The following RAB25 variants were observed in gnomAD, a reference collection of about 807,000 sequenced individuals.
The protein encoded by RAB25 is ras-related protein Rab-25.
RAB25 carries 23 observed loss-of-function variants against 25.2 expected under a neutral mutation model. The observed-to-expected ratio is 0.91, with a 90% CI of 0.66 to 1.29. The LOEUF is 1.29. Among genes scored for constraint, RAB25 ranks in the 50% most tolerant of loss-of-function variants. RAB25 has a pLI of 0.00. For missense variants in RAB25, 244 were observed against 277.3 expected (o/e 0.88, Z 0.85); for synonymous variants, 102 against 111.5 (o/e 0.91, Z 0.54).
chr1:156,068,497 C>A (rs753736431), intron 3 of RAB25, 34 bp downstream of exon 3: 2 of 1,596,242 alleles, frequency 1.3e-6, no homozygotes. Context: ...CTGACTCCTC[C>A]AAGCTTAGCC....
chr1:156,065,696 G>C (rs1044685961), intron 1 of RAB25, among the ~76,000 whole-genome samples: 1 of 152,170 alleles, frequency 6.6e-6, no homozygotes, highest in Admixed American at 6.5e-5. Context: ...GCTATAACCC[G>C]TCAAGCCCCT....
intron 4 of RAB25, 86 bp downstream of exon 4, chr1:156,069,837 C>T: frequency 2.4e-6 from 3 of 1,231,124 alleles, no homozygotes; most frequent in Non-Finnish European, 3.6e-6. Flanking sequence ...TCAGCCCTCA[C>T]CCCAGCTAAT....
chr1:156,061,284 A>G lies in RAB25; in HGVS notation c.-117A>G, dbSNP rs369674854. 22 of 1,077,766 alleles carry G rather than the reference A, an allele frequency of 2.0e-5. No homozygotes were observed. The highest frequency in any genetic ancestry group is 2.5e-5 in the Non-Finnish European group (18 of 708,028). 66.8% of individuals were successfully genotyped at this position (1,077,766 alleles called of 1,614,324 possible). On this transcript the variant is annotated 5_prime_UTR_variant, in exon 1 of 5. An upstream start codon of the reference 5' UTR is lost. Transcript: ENST00000361084. The stretch of plus-strand genomic sequence containing the variant: ...GGCTGCAGAAGTCCCCTTACCCCCA[A>G]TGAGAGGAGGGGCAGGACCAGATCT...
chr1:156,062,249 G>C (rs1305572141), intron 1 of RAB25, among the ~76,000 whole-genome samples: 1 of 152,150 alleles, frequency 6.6e-6, no homozygotes, highest in Non-Finnish European at 1.5e-5. Context: ...TGCAGAGTCT[G>C]ATAGAATCCA....
rs375008853 is a variant in RAB25 at position 156,068,471 on chromosome 1, C to A, written c.433+8C>A. 1 of 1,609,254 alleles carries A rather than the reference C, an allele frequency of 6.2e-7. No homozygotes were observed. Among genetic ancestry groups the A allele is most frequent in the South Asian group, 1.1e-5 (1 of 90,884 alleles). On this transcript the variant is annotated splice_region_variant and intron_variant, in intron 3 of 4. Coordinates refer to ENST00000361084, the MANE Select transcript of RAB25 (RefSeq NM_020387.4). ...AGGCCCGAATGTTCGCTGGTGAGAG[C>A]CTGCCACTACCCAGGCTGACTCCTC...
In RAB25 at chr1:156,061,264, C is replaced by T. The variant is rs1049707918; in HGVS notation, c.-137C>T. 5 of 868,198 alleles carry T rather than the reference C, an allele frequency of 5.8e-6. No individual in the cohort carries two copies. In the African/African-American group the frequency reaches 6.7e-5, roughly 12 times the overall value. The allele number at this position is 868,198 out of a possible 1,614,324, so 53.8% of individuals were successfully genotyped here. A position where few individuals can be genotyped will look rare whatever the true frequency, so the allele number is the denominator to read the frequency against. On this transcript the variant is annotated 5_prime_UTR_variant, in exon 1 of 5. Transcript: ENST00000361084. ...AGTTGGCCCCCAATCCCTCTGGCTGCAGAAGTCCCCTTACCCCCAATGAGA... is the reference window on the plus strand; with the variant it reads ...AGTTGGCCCCCAATCCCTCTGGCTGTAGAAGTCCCCTTACCCCCAATGAGA...
Position 156,061,437 on chromosome 1 carries a change from T to A in RAB25, c.37T>A (p.Phe13Ile). 1 of 1,613,964 alleles carries A rather than the reference T, an allele frequency of 6.2e-7. No individual in the cohort carries two copies. The change falls in exon 1 of 5, where the codon TTC (phenylalanine) becomes ATC (isoleucine). Residue 13 changes from phenylalanine (F) to isoleucine (I), a missense_variant. Transcript: ENST00000361084. ...NGTEEDYNFV[F>I]KVVLIGESGV... ...AACTGAGGAAGATTATAACTTTGTCTTCAAGGGTGAGTTGGGTTCCCTGAA... is the reference window on the plus strand; with the variant it reads ...AACTGAGGAAGATTATAACTTTGTCATCAAGGGTGAGTTGGGTTCCCTGAA...
intron 1 of RAB25, among the ~76,000 whole-genome samples, chr1:156,064,343 C>G (rs1367371698): frequency 2.0e-5 from 3 of 152,104 alleles, no homozygotes; most frequent in Admixed American, 2.0e-4. Flanking sequence ...GGGGCTCAAA[C>G]AATCCTTCCA....
In RAB25 at chr1:156,069,530, C is replaced by G. The variant is rs148523827; in HGVS notation, c.434-141C>G. The G allele has an allele frequency of 2.7e-3, 1,874 of 696,810 alleles. 13 individuals are homozygous for G. The highest frequency in any genetic ancestry group is 0.014 in the East Asian group (552 of 38,294). 43.2% of individuals were successfully genotyped at this position (696,810 alleles called of 1,614,324 possible). On this transcript the variant is annotated intron_variant, in intron 3 of 4. Coordinates refer to ENST00000361084, the MANE Select transcript of RAB25 (RefSeq NM_020387.4). The stretch of plus-strand genomic sequence containing the variant: ...GATTCAGTTTTCTAAATGAACCTAC[C>G]TTGTAAGTTGTTTTAAGGATTAAAT...
chr1:156,065,659 C>A (rs1647720399), intron 1 of RAB25, among the ~76,000 whole-genome samples: 1 of 152,232 alleles, frequency 6.6e-6, no homozygotes, highest in Non-Finnish European at 1.5e-5. Flanking sequence ...TGCAGGCTGA[C>A]TCTGCAACCA....
intron 2 of RAB25, among the ~76,000 whole-genome samples, chr1:156,066,889 G>A (rs564076994): frequency 9.9e-5 from 15 of 151,762 alleles, no homozygotes; most frequent in African/African-American, 2.9e-4. Context: ...GCAGTGAGCC[G>A]AAATCGCCCC....
intron 2 of RAB25, 186 bp downstream of exon 2, chr1:156,066,292 C>A: frequency 1.9e-6 from 1 of 516,778 alleles, no homozygotes; most frequent in Non-Finnish European, 3.3e-6. Flanking sequence ...GATATAGTAA[C>A]ACTGACTAGT....
intron 1 of RAB25, among the ~76,000 whole-genome samples, chr1:156,062,992 T>C (rs1345697854): frequency 6.9e-6 from 1 of 145,542 alleles, no homozygotes; most frequent in East Asian, 2.1e-4. Flanking sequence ...AAGCAGAGGT[T>C]GCAGTAAGCC....
Position 156,070,311 on chromosome 1 carries a change from C to A in RAB25, c.*24C>A. 1 of 1,608,976 alleles carries A rather than the reference C, an allele frequency of 6.2e-7. No individual in the cohort carries two copies. The highest frequency in any genetic ancestry group is 1.3e-5 in the African/African-American group (1 of 74,862). The stretch of plus-strand genomic sequence containing the variant: ...GACCTTGGCCAGCACCACCTGCCCC[C>A]ACTGGCTTTTTGGTGCCCCTTGTCC... On this transcript the variant is annotated 3_prime_UTR_variant, in exon 5 of 5. Transcript: ENST00000361084.
intron 1 of RAB25, among the ~76,000 whole-genome samples, chr1:156,064,980 C>G (rs1470010048): frequency 6.6e-6 from 1 of 152,176 alleles, no homozygotes; most frequent in Non-Finnish European, 1.5e-5. Flanking sequence ...ACACTCTACC[C>G]CAGCCCCCAG....
chr1:156,063,890 A>C (rs948586318), intron 1 of RAB25, among the ~76,000 whole-genome samples: 1 of 152,272 alleles, frequency 6.6e-6, no homozygotes, highest in Non-Finnish European at 1.5e-5. Flanking sequence ...ATATGTGTAA[A>C]GCTTTTAACG....
chr1:156,066,157 G>A (rs564424312), intron 2 of RAB25, 51 bp downstream of exon 2: 5 of 1,443,810 alleles, frequency 3.5e-6, no homozygotes, highest in East Asian at 2.5e-5. Flanking sequence ...TGGGGAAGTC[G>A]AGGAACACTT....
chr1:156,066,294 C>T (rs1647744964), intron 2 of RAB25, 188 bp downstream of exon 2: 4 of 476,138 alleles, frequency 8.4e-6, no homozygotes, highest in African/African-American at 2.0e-5. Flanking sequence ...TATAGTAACA[C>T]TGACTAGTAC....
chr1:156,070,314 T>G lies in RAB25; in HGVS notation c.*27T>G. The G allele has an allele frequency of 6.2e-7, 1 of 1,608,238 alleles. No individual in the cohort carries two copies. The highest frequency in any genetic ancestry group is 8.5e-7 in the Non-Finnish European group (1 of 1,176,202). On this transcript the variant is annotated 3_prime_UTR_variant, in exon 5 of 5. Coordinates refer to ENST00000361084, the MANE Select transcript of RAB25 (RefSeq NM_020387.4). Reference sequence around the variant, plus strand: ...CTTGGCCAGCACCACCTGCCCCCACTGGCTTTTTGGTGCCCCTTGTCCCCA... The same window carrying G: ...CTTGGCCAGCACCACCTGCCCCCACGGGCTTTTTGGTGCCCCTTGTCCCCA...
Sources: allele counts gnomAD v4.1 joint callset (sites outside exome capture counted in the v4.1 genomes callset), GRCh38; gene constraint gnomAD v4.1.1; transcripts MANE v1.5; gene names NCBI Gene and HGNC (gene_info 2026-07-23, HGNC 2026-07-21).